NFASC: variants seen among roughly 807,000 people sequenced by gnomAD.
NFASC encodes the protein neurofascin.
In NFASC, 43 loss-of-function variants were observed where a neutral mutation model predicts 147.5. The ratio of observed to expected loss-of-function variants is 0.29; its 90% CI spans 0.23 to 0.38. The LOEUF (loss-of-function observed/expected upper bound fraction) is 0.38, where lower values mean the gene tolerates loss of function less well. NFASC is among the 10% of genes least tolerant of loss of function. The pLI, the probability that NFASC is intolerant of heterozygous loss-of-function variation, is 1.00. For synonymous variants in NFASC, 622 were observed against 665.5 expected, an observed-to-expected ratio of 0.93 and a Z score of 1.01; for missense variants, 1,320 against 1,689.0, an observed-to-expected ratio of 0.78 and a Z score of 3.83.
At chr1:204,984,345 GTATATATATATA>G (rs1553306456) in intron 21 of NFASC, 201 of 227,710 alleles carry the variant, frequency 8.8e-4, no homozygotes, top group Non-Finnish European at 1.4e-3. Context: ...GTGTGTGTGT[GTATATATATATA>G]TGTGTGTGTG....
intron 1 of NFASC, among the ~76,000 whole-genome samples, chr1:204,863,947 A>G (rs1057216388): frequency 2.1e-4 from 32 of 151,842 alleles, no homozygotes; most frequent in African/African-American, 7.5e-4. Flanking sequence ...AGAGAGAGAA[A>G]GAGAGAAAGA....
intron 1 of NFASC, among the ~76,000 whole-genome samples, chr1:204,835,465 G>A (rs1291355827): frequency 6.6e-6 from 1 of 152,058 alleles, no homozygotes; most frequent in Non-Finnish European, 1.5e-5. Flanking sequence ...CTGACCTCAA[G>A]TGATCCACCC....
chr1:204,861,955 C>T (rs1220617931), intron 1 of NFASC, among the ~76,000 whole-genome samples: 2 of 152,194 alleles, frequency 1.3e-5, no homozygotes, highest in African/African-American at 2.4e-5. Context: ...ACATGGGGAT[C>T]TAGCATTAAC....
At chr1:204,863,935 A>C (rs1475791650) in intron 1 of NFASC, among the ~76,000 whole-genome samples, 1 of 122,892 alleles carries the variant, frequency 8.1e-6, no homozygotes, top group Non-Finnish European at 1.7e-5. Context: ...GGAGGAAGAA[A>C]GAGAGAGAGA....
Position 205,009,673 on chromosome 1 carries a change from G to T in NFASC, c.3406G>T (p.Gly1136Cys). Reference protein sequence around the residue: ...LIVCFIKRSRGGKYPVREKKD... With the variant: ...LIVCFIKRSRCGKYPVREKKD... The stretch of plus-strand genomic sequence containing the variant: ...CGTCTGTTTCATCAAGAGGAGTCGC[G>T]GCGGCAAGTACCCAGGTGAGATGTG... The change falls in exon 28 of 30, where the codon GGC becomes TGC. Residue 1136 changes from glycine (G) to cysteine (C), a missense_variant. Physicochemically the swap from Gly to Cys is radical, Grantham distance 159. Coordinates refer to ENST00000339876, the MANE Select transcript of NFASC (RefSeq NM_001005388.3). 2 of 1,613,942 alleles carry T rather than the reference G, an allele frequency of 1.2e-6. No homozygotes were observed. Among genetic ancestry groups the T allele is most frequent in the Non-Finnish European group, 1.7e-6 (2 of 1,179,960 alleles).
chr1:204,992,871 T>C (rs1366966225), intron 24 of NFASC, among the ~76,000 whole-genome samples: 3 of 152,136 alleles, frequency 2.0e-5, no homozygotes, highest in Admixed American at 6.5e-5. Context: ...GAGGTATCTT[T>C]GCAATCACCC....
intron 7 of NFASC, among the ~76,000 whole-genome samples, chr1:204,957,231 A>G (rs1381939961): frequency 2.0e-5 from 3 of 152,376 alleles, no homozygotes. Flanking sequence ...GCTGGGGCAT[A>G]AGATGAACAG....
intron 2 of NFASC, among the ~76,000 whole-genome samples, chr1:204,926,768 T>G (rs111354167): frequency 0.017 from 2,544 of 151,808 alleles, 70 homozygotes; most frequent in African/African-American, 0.058. Flanking sequence ...GTTATAATAT[T>G]TACTATATAA....
Position 204,986,076 on chromosome 1 carries a change from C to G in NFASC, c.2471-1342C>G, listed in dbSNP as rs1246078200. ...GTGGTCAATGGGAGAGGTGATGGGC[C>G]TCGCAGTGAGACCAAGGAGTTCACC... is the stretch of plus-strand genomic sequence containing the variant. On this transcript the variant is annotated intron_variant, in intron 21 of 29. Transcript: ENST00000339876. This position sits in a 1 kb window ranked among gnomAD's most constrained non-coding sequence, Gnocchi z 4.2. 4.3e-6 allele frequency: 7 copies of G among 1,614,178 alleles called. No homozygotes were observed. The highest frequency in any genetic ancestry group is 5.9e-6 in the Non-Finnish European group (7 of 1,180,018).
intron 2 of NFASC, among the ~76,000 whole-genome samples, chr1:204,923,122 G>A (rs1379598390): frequency 6.6e-6 from 1 of 152,202 alleles, no homozygotes; most frequent in East Asian, 1.9e-4. Context: ...TTTGGGTTTG[G>A]GGCTGGCTGT....
chr1:204,976,809 C>T lies in NFASC; in HGVS notation c.1831+14C>T. The T allele has an allele frequency of 6.2e-7, 1 of 1,611,174 alleles. No individual in the cohort carries two copies. ...TCACCGTGCTAGGTAACTGCCCATG[C>T]TCACCCTGGCACTGACCAGCCCCAC... On this transcript the variant is annotated intron_variant, in intron 16 of 29. Coordinates refer to ENST00000339876, the MANE Select transcript of NFASC (RefSeq NM_001005388.3).
chr1:204,994,643 T>C (rs1340007609), intron 24 of NFASC, among the ~76,000 whole-genome samples: 1 of 151,556 alleles, frequency 6.6e-6, no homozygotes, highest in Non-Finnish European at 1.5e-5. Context: ...TAAAAGGGAG[T>C]GTTTGCTTTT....
Position 204,904,058 on chromosome 1 carries a change from G to A in NFASC, c.-199-16574G>A, listed in dbSNP as rs551524246. 3.3e-5 allele frequency among the ~76,000 whole-genome samples: 5 copies of A among 152,188 alleles called. No individual in the cohort carries two copies. The South Asian group carries it at 6.2e-4, about 19-fold the overall frequency. On this transcript the variant is annotated intron_variant, in intron 1 of 29. Transcript: ENST00000339876. ...AACCTTGGACAAGTTATTTAACATC[G>A]CTAGGCTTCAGATTTCTTCTTCTTC... is the stretch of plus-strand genomic sequence containing the variant.
At position 204,987,341 on chromosome 1, in the gene NFASC, T is replaced by G; in HGVS notation, c.2471-77T>G. The G allele has an allele frequency of 7.2e-7, 1 of 1,397,586 alleles. No individual in the cohort carries two copies. The highest frequency in any genetic ancestry group is 9.9e-7 in the Non-Finnish European group (1 of 1,005,376). 86.6% of individuals were successfully genotyped at this position (1,397,586 alleles called of 1,614,324 possible). ...CCAGAGGTCAATGCCTTCATACTTG[T>G]GCTTTGTTTTTTGTGTTTTCCTCAT... On this transcript the variant is annotated intron_variant, in intron 21 of 29. Coordinates refer to ENST00000339876, the MANE Select transcript of NFASC (RefSeq NM_001005388.3). This position sits in a 1 kb window ranked among gnomAD's most constrained non-coding sequence, Gnocchi z 4.4.
At position 205,015,496 on chromosome 1, in the gene NFASC, A is replaced by G. The variant is rs780720327; in HGVS notation, c.3492-812A>G. On this transcript the variant is annotated intron_variant, in intron 29 of 29. Transcript: ENST00000339876. The surrounding 1 kb of genome is among the most constrained non-coding windows in gnomAD (Gnocchi z 4.0). The stretch of plus-strand genomic sequence containing the variant: ...CCTCAGGAGCACAGCAGACATCCCA[A>G]CTGGGTGGCTGTTCCCAGCGGCCCG... Among the ~76,000 whole-genome samples the G allele has an allele frequency of 6.6e-6, 1 of 152,076 alleles. No individual in the cohort carries two copies. Among genetic ancestry groups the G allele is most frequent in the Non-Finnish European group, 1.5e-5 (1 of 68,018 alleles).
At chr1:205,009,889 G>C in intron 28 of NFASC, 1 of 621,318 alleles carries the variant, frequency 1.6e-6, no homozygotes, top group Non-Finnish European at 2.8e-6. Flanking sequence ...TGAGTTGGGC[G>C]GATGGCACAG....
intron 1 of NFASC, among the ~76,000 whole-genome samples, chr1:204,863,824 G>A (rs2076878510): frequency 7.1e-6 from 1 of 140,450 alleles, no homozygotes; most frequent in African/African-American, 2.7e-5. Flanking sequence ...CTCCAGCCTA[G>A]GTGAAAAAGC....
chr1:204,832,143 GAACACC>G (rs59929851), intron 1 of NFASC, among the ~76,000 whole-genome samples: 36,580 of 152,120 alleles, frequency 0.24, 7,034 homozygotes, highest in East Asian at 0.78. Context: ...TGTTCTGTGT[GAACACC>G]TGTGTGAACA....
chr1:204,862,301 G>C (rs776834257), intron 1 of NFASC, among the ~76,000 whole-genome samples: 3 of 152,224 alleles, frequency 2.0e-5, no homozygotes, highest in African/African-American at 7.2e-5. Context: ...AGAATATACT[G>C]TAGGCTTGAA....
Sources: gnomAD v4.1 joint callset for allele counts (sites outside exome capture counted in the v4.1 genomes callset) on GRCh38, gnomAD v4.1.1 for gene constraint, Gnocchi (gnomAD v3.1) non-coding constraint, MANE v1.5 for transcripts, NCBI Gene and HGNC (gene_info 2026-07-23, HGNC 2026-07-21) for gene names.